RGMB: variants seen among roughly 807,000 people sequenced by gnomAD.
The protein encoded by RGMB is repulsive guidance molecule BMP co-receptor b.
In RGMB, 16 loss-of-function variants were observed where a neutral mutation model predicts 26.9. That is an observed-to-expected ratio of 0.60 (90% confidence interval 0.40 to 0.90). RGMB has a LOEUF of 0.90. RGMB is among the 40% of genes least tolerant of loss of function. RGMB has a pLI of 0.00. For synonymous variants in RGMB, 225 were observed against 229.3 expected, an observed-to-expected ratio of 0.98 and a Z score of 0.17; for missense variants, 512 against 573.3, an observed-to-expected ratio of 0.89 and a Z score of 1.09.
chr5:98,790,670 A>G (rs567604954), intron 2 of RGMB, among the ~76,000 whole-genome samples: 1 of 152,270 alleles, frequency 6.6e-6, no homozygotes, highest in South Asian at 2.1e-4. Context: ...ACTTGTTTGG[A>G]ATCGGTTATC....
In RGMB at chr5:98,774,168, T is replaced by C; in HGVS notation, c.98T>C (p.Leu33Pro). 6.7e-7 allele frequency: 1 copy of C among 1,497,104 alleles called. No homozygotes were observed. Among genetic ancestry groups the C allele is most frequent in the Non-Finnish European group, 8.9e-7 (1 of 1,129,876 alleles). The allele number at this position is 1,497,104 out of a possible 1,614,324, so 92.7% of individuals were successfully genotyped here. Residue 33 changes from leucine to proline, a missense_variant, in exon 1 of 3, where the codon CTG (leucine) becomes CCG (proline). Physicochemically the swap from Leu to Pro is moderately conservative, Grantham distance 98. Transcript: ENST00000513185. Reference protein sequence around the residue: ...PGLCPPPLELLLLLLFSLGLL... With the variant: ...PGLCPPPLELPLLLLFSLGLL... ...CTCTGCCCCCCGCCGCTGGAGCTGCTGCTGCTGCTGCTGTTCAGCCTCGGG... is the reference window on the plus strand; with the variant it reads ...CTCTGCCCCCCGCCGCTGGAGCTGCCGCTGCTGCTGCTGTTCAGCCTCGGG...
intron 2 of RGMB, among the ~76,000 whole-genome samples, chr5:98,790,667 T>C (rs1446662257): frequency 6.6e-6 from 1 of 152,222 alleles, no homozygotes; most frequent in African/African-American, 2.4e-5. Context: ...GAAACTTGTT[T>C]GGAATCGGTT....
chr5:98,770,430 G>C, upstream of RGMB: 1 of 408,712 alleles, frequency 2.4e-6, no homozygotes, highest in South Asian at 1.4e-4. Context: ...GCTCCCAAAT[G>C]CTTTTTGCAC....
At chr5:98,770,716 T>C (rs751304863), upstream of RGMB, 1 of 1,271,310 alleles carries the variant, frequency 7.9e-7, no homozygotes, top group Non-Finnish European at 1.0e-6. Flanking sequence ...CGCTTGGCCC[T>C]CTTCCAAGTT....
chr5:98,784,453 T>C (rs1746709151), intron 2 of RGMB, among the ~76,000 whole-genome samples: 1 of 152,230 alleles, frequency 6.6e-6, no homozygotes. Context: ...AGTTTTCCAT[T>C]GTAAGAAACA....
At chr5:98,786,479 G>C (rs761159749) in intron 2 of RGMB, among the ~76,000 whole-genome samples, 9 of 152,228 alleles carry the variant, frequency 5.9e-5, no homozygotes, top group Non-Finnish European at 1.2e-4. Flanking sequence ...TTGAGGGGAA[G>C]GGGTGAGAAG....
At chr5:98,779,446 T>C in intron 1 of RGMB, 134 bp from the exon 2 acceptor site, 5 of 840,938 alleles carry the variant, frequency 5.9e-6, no homozygotes, top group Non-Finnish European at 8.6e-6. Context: ...ACCCTGTATC[T>C]GAAGGCTTCT....
At chr5:98,768,933 C>T (rs962654338), upstream of RGMB, 1 of 152,184 alleles carries the variant, frequency 6.6e-6, no homozygotes, top group African/African-American at 2.4e-5. Context: ...GCGCCTTGGC[C>T]GGGGCGCGGA....
upstream of RGMB, chr5:98,773,632 A>C: frequency 6.7e-6 from 2 of 296,458 alleles, no homozygotes; most frequent in Non-Finnish European, 6.2e-6. Flanking sequence ...GCAGTGCGGG[A>C]CTGAGATTGA....
chr5:98,789,796 A>G (rs893852248), intron 2 of RGMB, among the ~76,000 whole-genome samples: 2 of 152,220 alleles, frequency 1.3e-5, no homozygotes, highest in African/African-American at 4.8e-5. Context: ...CATAGAACAG[A>G]TGTGCCAAAT....
At position 98,795,518 on chromosome 5, in the gene RGMB, T is replaced by C. The variant is rs1157434022; in HGVS notation, c.*1765T>C. 1.3e-5 allele frequency: 2 copies of C among 152,170 alleles called. No homozygotes were observed. The highest frequency in any genetic ancestry group is 4.8e-5 in the African/African-American group (2 of 41,438). 9.4% of individuals were successfully genotyped at this position (152,170 alleles called of 1,614,324 possible). ...ATGTAGAGGTGGCAAACCTCTACCTTGTGTTGATGAGAGAATAATCTTGGG... is the reference window on the plus strand; with the variant it reads ...ATGTAGAGGTGGCAAACCTCTACCTCGTGTTGATGAGAGAATAATCTTGGG... On this transcript the variant is annotated 3_prime_UTR_variant, in exon 3 of 3. Transcript: ENST00000513185.
intron 2 of RGMB, among the ~76,000 whole-genome samples, chr5:98,787,811 G>A (rs778112842): frequency 3.9e-5 from 6 of 152,116 alleles, no homozygotes; most frequent in Non-Finnish European, 8.8e-5. Context: ...ATTACTCTTG[G>A]GAAGCAGCAT....
At chr5:98,783,382 G>A (rs1210950481) in intron 2 of RGMB, among the ~76,000 whole-genome samples, 1 of 152,210 alleles carries the variant, frequency 6.6e-6, no homozygotes, top group East Asian at 1.9e-4. Context: ...CTCAGAATGA[G>A]ATGAGAGGGA....
chr5:98,782,626 T>C (rs1036927323), intron 2 of RGMB, among the ~76,000 whole-genome samples: 2 of 152,196 alleles, frequency 1.3e-5, no homozygotes, highest in Non-Finnish European at 1.5e-5. Context: ...TCAGTGCCAC[T>C]AGATTGAAAG....
intron 1 of RGMB, among the ~76,000 whole-genome samples, chr5:98,776,033 C>T (rs1345051768): frequency 1.3e-5 from 2 of 152,202 alleles, no homozygotes; most frequent in African/African-American, 2.4e-5. Flanking sequence ...CTCAGCACCC[C>T]ATATGGCTCC....
At chr5:98,788,782 G>A (rs188230731) in intron 2 of RGMB, among the ~76,000 whole-genome samples, 25 of 152,304 alleles carry the variant, frequency 1.6e-4, no homozygotes, top group Middle Eastern at 3.4e-3. Flanking sequence ...CTCTGACTTC[G>A]TAACATTTAG....
chr5:98,776,549 G>A (rs751596159), intron 1 of RGMB, among the ~76,000 whole-genome samples: 5 of 152,010 alleles, frequency 3.3e-5, no homozygotes, highest in Admixed American at 6.6e-5. Context: ...CAAAGTGTGC[G>A]TTGTCGTTAT....
upstream of RGMB, chr5:98,770,676 A>C (rs1365961226): frequency 1.4e-6 from 2 of 1,460,636 alleles, no homozygotes; most frequent in Non-Finnish European, 1.8e-6. Context: ...AGAATGATGT[A>C]AGTACAGGCA....
rs1746258017 is a variant in RGMB, at chr5:98,773,670, T to C, written c.-401T>C. 1.1e-5 allele frequency: 4 copies of C among 349,712 alleles called. No homozygotes were observed. Among genetic ancestry groups the C allele is most frequent in the Non-Finnish European group, 2.0e-5 (4 of 195,128 alleles). 21.7% of individuals were successfully genotyped at this position (349,712 alleles called of 1,614,324 possible). On this transcript the variant is annotated 5_prime_UTR_variant, in exon 1 of 3. Transcript: ENST00000513185. The stretch of plus-strand genomic sequence containing the variant: ...GACCGCGGGGGCTGCCGCGCAGAGA[T>C]ATCCGGGCCGCCGGTGGGTGGTCGC...
Sources: gnomAD v4.1 joint callset for allele counts (sites outside exome capture counted in the v4.1 genomes callset) on GRCh38, gnomAD v4.1.1 for gene constraint, MANE v1.5 for transcripts, NCBI Gene and HGNC (gene_info 2026-07-23, HGNC 2026-07-21) for gene names.